The following PAPOLA variants were observed in gnomAD, a reference collection of about 807,000 sequenced individuals.
PAPOLA encodes the protein polynucleotide adenylyltransferase alpha.
A neutral mutation model predicts 100.6 loss-of-function variants in PAPOLA; 15 were observed. The observed-to-expected ratio is 0.15, with a 90% CI of 0.10 to 0.23. The LOEUF is 0.23. PAPOLA is among the 10% of genes least tolerant of loss of function. The pLI is 1.00. For missense variants in PAPOLA, 533 were observed against 884.2 expected (o/e 0.60, Z 5.04); for synonymous variants, 293 against 300.0 (o/e 0.98, Z 0.24).
intron 1 of PAPOLA, among the ~76,000 whole-genome samples, chr14:96,508,147 A>T (rs1896860201): frequency 6.6e-6 from 1 of 152,126 alleles, no homozygotes; most frequent in Admixed American, 6.5e-5. Context: ...AAGTGCTGGG[A>T]TTACAGGCCC....
intron 15 of PAPOLA, among the ~76,000 whole-genome samples, chr14:96,544,587 A>C (rs1438105258): frequency 6.6e-6 from 1 of 152,004 alleles, no homozygotes; most frequent in Non-Finnish European, 1.5e-5. Flanking sequence ...AAATTTTTGC[A>C]TTTTGTAGCA....
intron 1 of PAPOLA, 64 bp downstream of exon 1, chr14:96,502,664 G>C: frequency 6.5e-7 from 1 of 1,542,380 alleles, no homozygotes; most frequent in Non-Finnish European, 8.7e-7. Context: ...GTCCGGGAAG[G>C]GGAAGAGGTA....
intron 15 of PAPOLA, among the ~76,000 whole-genome samples, chr14:96,546,234 C>G (rs1048164930): frequency 3.9e-5 from 6 of 152,028 alleles, no homozygotes; most frequent in Non-Finnish European, 8.8e-5. Context: ...CCTCTTCTTT[C>G]AGAATACATT....
intron 18 of PAPOLA, 98 bp downstream of exon 18, chr14:96,556,045 T>G: frequency 8.6e-7 from 1 of 1,164,260 alleles, no homozygotes; most frequent in Non-Finnish European, 1.3e-6. Flanking sequence ...TGAAATTCAG[T>G]TTTTTAAATG....
At chr14:96,560,553 TA>T in intron 19 of PAPOLA, 95 bp from the exon 20 acceptor site, 1 of 769,366 alleles carries the variant, frequency 1.3e-6, no homozygotes, top group East Asian at 2.6e-5. Flanking sequence ...CAGGTTTAAT[TA>T]TTTTATAGTT....
In PAPOLA at chr14:96,548,237, A is replaced by G. The variant is rs189655267; in HGVS notation, c.1521+319A>G. 4.9e-3 allele frequency among the ~76,000 whole-genome samples: 745 copies of G among 152,274 alleles called. 9 individuals are homozygous for G. The highest frequency in any genetic ancestry group is 0.017 in the African/African-American group (718 of 41,564). ...ACCAGTATTTAATTTTCTTTCCTTT[A>G]AAAAGTAAACTAAATTAAATTAGTA... On this transcript the variant is annotated intron_variant, in intron 16 of 21. Coordinates refer to ENST00000216277, the MANE Select transcript of PAPOLA (RefSeq NM_032632.5).
chr14:96,540,360 C>T (rs1899880101), intron 12 of PAPOLA, among the ~76,000 whole-genome samples: 1 of 151,438 alleles, frequency 6.6e-6, no homozygotes, highest in African/African-American at 2.4e-5. Flanking sequence ...TCATTGTCTC[C>T]TGTTACAAGT....
chr14:96,556,093 C>G, intron 18 of PAPOLA, 82 bp from the exon 19 acceptor site: 1 of 1,286,402 alleles, frequency 7.8e-7, no homozygotes, highest in South Asian at 1.3e-5. Context: ...TTCATGAAAT[C>G]AAATTCAGAG....
At chr14:96,509,499 A>AC (rs1896960725) in intron 1 of PAPOLA, among the ~76,000 whole-genome samples, 1 of 152,256 alleles carries the variant, frequency 6.6e-6, no homozygotes, top group Non-Finnish European at 1.5e-5. Context: ...AATGTAACAT[A>AC]CTATAGAACC....
intron 12 of PAPOLA, 179 bp downstream of exon 12, chr14:96,537,239 G>A: frequency 3.5e-6 from 2 of 567,296 alleles, no homozygotes; most frequent in South Asian, 4.5e-5. Flanking sequence ...TGAATGTGAA[G>A]CCCCTTTGAT....
At chr14:96,516,636 G>C (rs1377119662) in intron 1 of PAPOLA, among the ~76,000 whole-genome samples, 1 of 152,126 alleles carries the variant, frequency 6.6e-6, no homozygotes, top group Non-Finnish European at 1.5e-5. Flanking sequence ...ATGGTGCCTG[G>C]CTCATATATA....
intron 3 of PAPOLA, among the ~76,000 whole-genome samples, chr14:96,523,632 G>A (rs1898206465): frequency 6.6e-6 from 1 of 152,064 alleles, no homozygotes; most frequent in Non-Finnish European, 1.5e-5. Flanking sequence ...GAAGACAAAG[G>A]CTTTGCTTAC....
chr14:96,502,677 C>A, intron 1 of PAPOLA, 77 bp downstream of exon 1: 1 of 1,505,256 alleles, frequency 6.6e-7, no homozygotes, highest in East Asian at 2.5e-5. Context: ...AAGAGGTAGG[C>A]GGAGAGGGTG....
intron 4 of PAPOLA, 40 bp from the exon 5 acceptor site, chr14:96,527,390 G>A (rs891334859): frequency 8.6e-6 from 10 of 1,164,378 alleles, no homozygotes; most frequent in African/African-American, 7.6e-5. Flanking sequence ...TAATTTTCTT[G>A]TAATATTAAT....
chr14:96,514,092 A>G (rs1430712791), intron 1 of PAPOLA, among the ~76,000 whole-genome samples: 1 of 152,200 alleles, frequency 6.6e-6, no homozygotes, highest in Non-Finnish European at 1.5e-5. Flanking sequence ...TATATGTCCA[A>G]AGATGATCAT....
intron 16 of PAPOLA, among the ~76,000 whole-genome samples, chr14:96,548,554 A>G (rs1481331100): frequency 6.6e-6 from 1 of 152,180 alleles, no homozygotes; most frequent in Admixed American, 6.5e-5. Context: ...TCAAAAATAG[A>G]TGGTTTATTC....
Position 96,502,425 on chromosome 14 carries a change from G to C in PAPOLA, c.-168G>C. ...CGCTCGGGCGCCATGTTAGGACGAAGGGGAAGGAGGAGAAGCGCTTAAAGC... is the reference window on the plus strand; with the variant it reads ...CGCTCGGGCGCCATGTTAGGACGAACGGGAAGGAGGAGAAGCGCTTAAAGC... On this transcript the variant is annotated 5_prime_UTR_variant, in exon 1 of 22. Transcript: ENST00000216277. 1 of 704,570 alleles carries C rather than the reference G, an allele frequency of 1.4e-6. No homozygotes were observed. The highest frequency in any genetic ancestry group is 2.6e-6 in the Non-Finnish European group (1 of 386,260). 43.6% of individuals were successfully genotyped at this position (704,570 alleles called of 1,614,324 possible). A position where few individuals can be genotyped will look rare whatever the true frequency, so the allele number is the denominator to read the frequency against.
intron 12 of PAPOLA, among the ~76,000 whole-genome samples, chr14:96,539,576 T>C (rs1008920845): frequency 1.1e-4 from 16 of 152,172 alleles, no homozygotes; most frequent in Admixed American, 2.6e-4. Flanking sequence ...TTTAACTATT[T>C]TTATTGGAAA....
At chr14:96,525,678 G>A (rs1247933408) in intron 4 of PAPOLA, among the ~76,000 whole-genome samples, 1 of 152,138 alleles carries the variant, frequency 6.6e-6, no homozygotes, top group Non-Finnish European at 1.5e-5. Context: ...TTGAGCCCAG[G>A]GAGGTCAAGG....
Sources: allele counts gnomAD v4.1 joint callset (sites outside exome capture counted in the v4.1 genomes callset), GRCh38; gene constraint gnomAD v4.1.1; transcripts MANE v1.5; gene names NCBI Gene and HGNC (gene_info 2026-07-23, HGNC 2026-07-21).